RCAN3: variants seen among roughly 807,000 people sequenced by gnomAD.
RCAN3 encodes calcipressin-3.
A neutral mutation model predicts 21.9 loss-of-function variants in RCAN3; 19 were observed. The ratio of observed to expected loss-of-function variants is 0.87; its 90% CI spans 0.61 to 1.27. The LOEUF is 1.27. RCAN3 is among the 50% of genes most tolerant of loss of function. The pLI is 0.00. For synonymous variants in RCAN3, 114 were observed against 112.3 expected (o/e 1.01, Z -0.09); for missense variants, 240 against 300.1 (o/e 0.80, Z 1.48).
chr1:24,524,474 G>A (rs1649093674), intron 2 of RCAN3, among the ~76,000 whole-genome samples: 1 of 152,174 alleles, frequency 6.6e-6, no homozygotes, highest in Non-Finnish European at 1.5e-5. Flanking sequence ...AATTTTACAA[G>A]TACTCAGATT....
chr1:24,505,627 C>T (rs196397), intron 1 of RCAN3, among the ~76,000 whole-genome samples: 72,227 of 152,026 alleles, frequency 0.48, 18,664 homozygotes, highest in African/African-American at 0.69. Context: ...ATTTTATACA[C>T]TTTATGTATT....
At chr1:24,527,215 G>A (rs770139160) in intron 2 of RCAN3, among the ~76,000 whole-genome samples, 41 of 152,174 alleles carry the variant, frequency 2.7e-4, no homozygotes, top group African/African-American at 4.3e-4. Flanking sequence ...GGGTTTCACC[G>A]CATTGGCCAG....
chr1:24,535,421 G>C lies in RCAN3; in HGVS notation c.*144G>C. 1 of 807,122 alleles carries C rather than the reference G, an allele frequency of 1.2e-6. No individual in the cohort carries two copies. Among genetic ancestry groups the C allele is most frequent in the Non-Finnish European group, 1.8e-6 (1 of 567,664 alleles). 50.0% of individuals were successfully genotyped at this position (807,122 alleles called of 1,614,324 possible). On this transcript the variant is annotated 3_prime_UTR_variant, in exon 5 of 5. Coordinates refer to ENST00000374395, the MANE Select transcript of RCAN3 (RefSeq NM_013441.4). ...GTCTTCTCACCACGCCTGTACTGCA[G>C]ACACGGTCGTGTAGAGTAGCAGCTG...
chr1:24,506,640 A>C (rs1647460440), intron 1 of RCAN3, among the ~76,000 whole-genome samples: 1 of 151,720 alleles, frequency 6.6e-6, no homozygotes, highest in Non-Finnish European at 1.5e-5. Context: ...AGGATACAGC[A>C]TACCCGAGTT....
chr1:24,517,741 C>A (rs975848799), intron 2 of RCAN3, among the ~76,000 whole-genome samples: 5 of 152,120 alleles, frequency 3.3e-5, no homozygotes, highest in Non-Finnish European at 5.9e-5. Context: ...GCTTGTAATC[C>A]CAGCACTTTG....
At chr1:24,513,168 C>T (rs1234806448) in intron 1 of RCAN3, among the ~76,000 whole-genome samples, 1 of 152,074 alleles carries the variant, frequency 6.6e-6, no homozygotes, top group Admixed American at 6.5e-5. Context: ...ACCCGGGAGG[C>T]GGAGCTTGCA....
intron 2 of RCAN3, among the ~76,000 whole-genome samples, chr1:24,520,379 C>T (rs922110212): frequency 3.3e-5 from 5 of 152,030 alleles, no homozygotes; most frequent in African/African-American, 4.8e-5. Flanking sequence ...GACATTGCTA[C>T]AAAACGTTGT....
chr1:24,508,197 A>G (rs1241343867), intron 1 of RCAN3, among the ~76,000 whole-genome samples: 6 of 152,238 alleles, frequency 3.9e-5, no homozygotes, highest in Non-Finnish European at 8.8e-5. Flanking sequence ...ATTTGAATGT[A>G]CCCATATGGA....
intron 1 of RCAN3, among the ~76,000 whole-genome samples, chr1:24,508,836 C>A (rs1163255543): frequency 6.6e-6 from 1 of 152,114 alleles, no homozygotes; most frequent in Non-Finnish European, 1.5e-5. Context: ...AATTTATAGA[C>A]CTTCATTTAA....
At chr1:24,532,902 T>C (rs1475053910) in intron 3 of RCAN3, among the ~76,000 whole-genome samples, 181 bp from the exon 4 acceptor site, 1 of 135,382 alleles carries the variant, frequency 7.4e-6, no homozygotes, top group Non-Finnish European at 1.5e-5. Context: ...TGAGCTGAGA[T>C]TGGACCACTG....
In RCAN3 at chr1:24,537,270, T is replaced by TTTG. The variant is rs1557584187; in HGVS notation, c.*1995_*1996insGTT. The TTTG allele has an allele frequency of 6.6e-6, 1 of 150,928 alleles. No homozygotes were observed. The highest frequency in any genetic ancestry group is 2.4e-5 in the African/African-American group (1 of 41,226). 9.3% of individuals were successfully genotyped at this position (150,928 alleles called of 1,614,324 possible). On this transcript the variant is annotated 3_prime_UTR_variant, in exon 5 of 5. Coordinates refer to ENST00000374395, the MANE Select transcript of RCAN3 (RefSeq NM_013441.4). Reference sequence around the variant, plus strand: ...AGTGCAAATTACAGTGCTTTTCTATTTTTTTTTTGAGAGCCTTGAATAAAT... The same window carrying TTTG: ...AGTGCAAATTACAGTGCTTTTCTATTTTGTTTTTTTTGAGAGCCTTGAATAAAT...
chr1:24,539,683 T>A lies in RCAN3; in HGVS notation c.*4406T>A, dbSNP rs1650406783. ...CAGACTATTTCACAGACCATAGATTTATTTTAAAAGGGAAAATCTCACACA... is the reference window on the plus strand; with the variant it reads ...CAGACTATTTCACAGACCATAGATTAATTTTAAAAGGGAAAATCTCACACA... On this transcript the variant is annotated 3_prime_UTR_variant, in exon 5 of 5. Transcript: ENST00000374395. 2 of 152,240 alleles carry A rather than the reference T, an allele frequency of 1.3e-5. No homozygotes were observed. Among genetic ancestry groups the A allele is most frequent in the Non-Finnish European group, 2.9e-5 (2 of 68,048 alleles). The allele number at this position is 152,240 out of a possible 1,614,324, so 9.4% of individuals were successfully genotyped here.
chr1:24,532,634 C>T (rs1649861587), intron 3 of RCAN3, among the ~76,000 whole-genome samples: 1 of 151,584 alleles, frequency 6.6e-6, no homozygotes, highest in African/African-American at 2.4e-5. Context: ...CAGTCCCACC[C>T]TTTTGGAGAT....
intron 1 of RCAN3, among the ~76,000 whole-genome samples, chr1:24,505,659 T>G (rs1647384487): frequency 6.6e-6 from 1 of 152,190 alleles, no homozygotes. Flanking sequence ...ATTTTATAAA[T>G]ACAGAAAAAC....
At position 24,514,461 on chromosome 1, in the gene RCAN3, G is replaced by A; in HGVS notation, c.89G>A (p.Gly30Asp). The A allele has an allele frequency of 6.2e-7, 1 of 1,614,090 alleles. No homozygotes were observed. Among genetic ancestry groups the A allele is most frequent in the Non-Finnish European group, 8.5e-7 (1 of 1,180,002 alleles). The change falls in exon 2 of 5, where the codon GGT becomes GAT. Residue 30 changes from glycine to aspartate, a missense_variant. Gly to Asp is a moderately conservative substitution (Grantham distance 94, BLOSUM62 -1). Coordinates refer to ENST00000374395, the MANE Select transcript of RCAN3 (RefSeq NM_013441.4). ...DQEEEEEMIF[G>D]ENEDDLDEMM... ...GAAGAGGAAGAAGAGATGATTTTTG[G>A]TGAAAATGAAGATGATTTGGATGAG... is the stretch of plus-strand genomic sequence containing the variant.
At chr1:24,533,877 TAC>T (rs1649999245) in intron 4 of RCAN3, among the ~76,000 whole-genome samples, 1 of 152,234 alleles carries the variant, frequency 6.6e-6, no homozygotes, top group East Asian at 1.9e-4. Context: ...TTTTTACTAC[TAC>T]AGATTTTGCT....
At chr1:24,505,570 T>C (rs896458282) in intron 1 of RCAN3, among the ~76,000 whole-genome samples, 1 of 152,138 alleles carries the variant, frequency 6.6e-6, no homozygotes, top group Non-Finnish European at 1.5e-5. Flanking sequence ...ATTTAGAAAT[T>C]TAAAAAAGGA....
rs1374725198 is a variant in RCAN3, at chr1:24,533,146, TTCC to T, written c.436_438del (p.Leu146del). On this transcript the variant is annotated inframe_deletion, in exon 4 of 5. Transcript: ENST00000374395. ...CCTGCCGCCCCAGCCTGTCAAGCAG[TTCC>T]TCATCTCCCCTCCAGCCTCTCCCCC... The T allele has an allele frequency of 6.2e-7, 1 of 1,600,756 alleles. No individual in the cohort carries two copies.
chr1:24,508,242 C>A (rs1647597265), intron 1 of RCAN3, among the ~76,000 whole-genome samples: 1 of 152,188 alleles, frequency 6.6e-6, no homozygotes, highest in Non-Finnish European at 1.5e-5. Flanking sequence ...CAGGAAAGAC[C>A]AACAGGTAGA....
Sources: gnomAD v4.1 joint callset for allele counts (sites outside exome capture counted in the v4.1 genomes callset) on GRCh38, gnomAD v4.1.1 for gene constraint, MANE v1.5 for transcripts, NCBI Gene and HGNC (gene_info 2026-07-23, HGNC 2026-07-21) for gene names.